ELF1: variants seen among roughly 807,000 people sequenced by gnomAD.
ELF1 encodes E74 like ETS transcription factor 1.
ELF1 carries 24 observed loss-of-function variants against 59.9 expected under a neutral mutation model. The observed-to-expected ratio is 0.40, with a 90% CI of 0.29 to 0.56. The LOEUF is 0.56. Ranked by LOEUF, ELF1 falls within the 20% of genes least tolerant of loss-of-function variation. ELF1 has a pLI of 0.44. For missense variants in ELF1, 627 were observed against 742.2 expected (o/e 0.84, Z 1.80); for synonymous variants, 248 against 266.2 (o/e 0.93, Z 0.67).
At chr13:41,028,590 A>G (rs1482329413) in intron 1 of ELF1, among the ~76,000 whole-genome samples, 1 of 152,208 alleles carries the variant, frequency 6.6e-6, no homozygotes, top group African/African-American at 2.4e-5. Flanking sequence ...TCATGACTAT[A>G]TTCTCCCTAT....
intron 1 of ELF1, among the ~76,000 whole-genome samples, chr13:41,005,236 T>C (rs1218371354): frequency 1.3e-5 from 2 of 152,072 alleles, no homozygotes; most frequent in Non-Finnish European, 2.9e-5. Flanking sequence ...TAAGATTCAA[T>C]ATGCACGCAA....
chr13:40,951,133 G>A (rs1870819614), intron 4 of ELF1, among the ~76,000 whole-genome samples, 196 bp downstream of exon 4: 1 of 152,082 alleles, frequency 6.6e-6, no homozygotes, highest in South Asian at 2.1e-4. Flanking sequence ...TGTTCCCAAA[G>A]GCTTCATTCT....
At chr13:41,000,815 C>T (rs1478124156) in intron 1 of ELF1, among the ~76,000 whole-genome samples, 1 of 151,880 alleles carries the variant, frequency 6.6e-6, no homozygotes, top group African/African-American at 2.4e-5. Flanking sequence ...CTACTGATAT[C>T]TCTGCATAGA....
At chr13:40,950,934 G>T (rs1370622390) in intron 4 of ELF1, among the ~76,000 whole-genome samples, 1 of 152,198 alleles carries the variant, frequency 6.6e-6, no homozygotes, top group African/African-American at 2.4e-5. Context: ...GATCAATAAT[G>T]TGGCAGTGAA....
rs117642202 is a variant in ELF1 at position 40,948,585 on chromosome 13, G to A, written c.529+1221C>T. On this transcript the variant is annotated intron_variant, in intron 5 of 8. Transcript: ENST00000239882. ...CTTTCACATGAACTTAGGTTACTGG[G>A]TGGGTGGTGATGCTATTAATCAAGA... 7.9e-4 allele frequency among the ~76,000 whole-genome samples: 120 copies of A among 152,292 alleles called. 1 individual carries two copies. In the East Asian group the frequency reaches 0.018, roughly 23 times the overall value.
At chr13:41,059,688 C>T (rs1008903403) in intron 1 of ELF1, among the ~76,000 whole-genome samples, 1 of 152,176 alleles carries the variant, frequency 6.6e-6, no homozygotes, top group Non-Finnish European at 1.5e-5. Flanking sequence ...TAAGATAACG[C>T]TTTTGTTTCA....
intron 1 of ELF1, among the ~76,000 whole-genome samples, chr13:41,048,961 G>A (rs1483630701): frequency 6.6e-6 from 1 of 152,098 alleles, no homozygotes; most frequent in Admixed American, 6.6e-5. Flanking sequence ...TCTAACTAAA[G>A]TTAATGACCT....
chr13:40,954,612 T>C (rs1277612813), intron 3 of ELF1, among the ~76,000 whole-genome samples: 1 of 152,144 alleles, frequency 6.6e-6, no homozygotes, highest in African/African-American at 2.4e-5. Flanking sequence ...CACGCCTGAC[T>C]GGTTTTCGTA....
intron 1 of ELF1, among the ~76,000 whole-genome samples, chr13:41,045,816 T>C (rs1267834096): frequency 6.6e-6 from 1 of 152,162 alleles, no homozygotes; most frequent in Non-Finnish European, 1.5e-5. Flanking sequence ...CAGAGCTGAG[T>C]TCAATTCCTG....
At chr13:41,029,046 T>G (rs2138403836) in intron 1 of ELF1, among the ~76,000 whole-genome samples, 1 of 152,284 alleles carries the variant, frequency 6.6e-6, no homozygotes, top group African/African-American at 2.4e-5. Context: ...CCCGGCCAAG[T>G]ATTGTTAATT....
Position 41,060,920 on chromosome 13 carries a change from C to CGCT in ELF1, c.-312_-311insAGC, listed in dbSNP as rs1555283675. 5.8e-4 allele frequency: 26 copies of CGCT among 45,194 alleles called. No individual in the cohort carries two copies. In the South Asian group the frequency reaches 9.7e-3, roughly 17 times the overall value. 2.8% of individuals were successfully genotyped at this position (45,194 alleles called of 1,614,324 possible). ...GCGCTACTGAAGCTGCTGCTGCCGC[C>CGCT]GCCGCCGCCGCCGCCGCCGCCGCCG... On this transcript the variant is annotated 5_prime_UTR_variant, in exon 1 of 2. Transcript: ENST00000405737.
At chr13:41,003,813 A>G (rs1299040819) in intron 1 of ELF1, among the ~76,000 whole-genome samples, 1 of 152,192 alleles carries the variant, frequency 6.6e-6, no homozygotes, top group Non-Finnish European at 1.5e-5. Flanking sequence ...TAATGGACCA[A>G]TATGTTATCT....
chr13:41,060,167 G>C (rs1375359483), intron 1 of ELF1, among the ~76,000 whole-genome samples: 2 of 152,186 alleles, frequency 1.3e-5, no homozygotes, highest in Admixed American at 6.5e-5. Context: ...AGGGGCGCCG[G>C]GCGGCTGCGC....
chr13:41,031,135 G>GCT (rs1263941462), intron 1 of ELF1, among the ~76,000 whole-genome samples: 21 of 150,922 alleles, frequency 1.4e-4, no homozygotes, highest in African/African-American at 5.1e-4. Flanking sequence ...CTACAGCCTG[G>GCT]GTGAAAGAGT....
intron 5 of ELF1, among the ~76,000 whole-genome samples, chr13:40,947,969 A>C (rs1244589617): frequency 6.6e-6 from 1 of 152,236 alleles, no homozygotes; most frequent in Admixed American, 6.5e-5. Context: ...CTTCTAGTCA[A>C]GATGGAATAA....
rs1876257428 is a variant in ELF1 at position 41,033,616 on chromosome 13, T to TA, written c.-229+27221dup. 2.0e-5 allele frequency among the ~76,000 whole-genome samples: 3 copies of TA among 152,286 alleles called. No individual in the cohort carries two copies. The South Asian group carries it at 6.2e-4, about 32-fold the overall frequency. On this transcript the variant is annotated intron_variant, in intron 1 of 1. Coordinates refer to the ELF1 transcript ENST00000405737. The stretch of plus-strand genomic sequence containing the variant: ...CCTCCTGTCAGAGCAGCCAGAGAAT[T>TA]AGATTCTCATAGGAGAGGAAACCCT...
intron 1 of ELF1, among the ~76,000 whole-genome samples, chr13:40,982,550 TAA>T (rs5803077): frequency 4.5e-4 from 62 of 136,400 alleles, no homozygotes; most frequent in African/African-American, 1.0e-3. Flanking sequence ...TACTCAATAT[TAA>T]AAAAAAAAAA....
At chr13:40,974,500 G>A (rs1872783525) in intron 2 of ELF1, among the ~76,000 whole-genome samples, 1 of 152,066 alleles carries the variant, frequency 6.6e-6, no homozygotes, top group Non-Finnish European at 1.5e-5. Context: ...TGAGAATTAG[G>A]AGCACCTACT....
intron 1 of ELF1, among the ~76,000 whole-genome samples, chr13:41,026,652 C>T (rs1253314422): frequency 6.6e-6 from 1 of 152,112 alleles, no homozygotes; most frequent in Non-Finnish European, 1.5e-5. Flanking sequence ...TGCTACTGGA[C>T]CTTAGTAGAA....
Sources: allele counts gnomAD v4.1 joint callset (sites outside exome capture counted in the v4.1 genomes callset), GRCh38; gene constraint gnomAD v4.1.1; transcripts MANE v1.5; gene names NCBI Gene and HGNC (gene_info 2026-07-23, HGNC 2026-07-21).